HIPK1: variants seen among roughly 807,000 people sequenced by gnomAD.
The protein encoded by HIPK1 is homeodomain-interacting protein kinase 1.
HIPK1 carries 28 observed loss-of-function variants against 117.1 expected under a neutral mutation model. That is an observed-to-expected ratio of 0.24 (90% CI 0.18 to 0.33). The LOEUF (loss-of-function observed/expected upper bound fraction) is 0.33, where lower values mean the gene tolerates loss of function less well. Among genes scored for constraint, HIPK1 ranks in the 10% least tolerant of loss-of-function variants. HIPK1 has a pLI of 1.00. For synonymous variants in HIPK1, 605 were observed against 562.5 expected (o/e 1.08, Z -1.07); for missense variants, 1,122 against 1,475.1 (o/e 0.76, Z 3.92).
intron 1 of HIPK1, chr1:113,930,007 C>T: frequency 1.3e-5 from 13 of 985,004 alleles, no homozygotes; most frequent in Non-Finnish European, 1.6e-5. Context: ...TGAGGCGGGG[C>T]CGGGCCGGCC....
intron 8 of HIPK1, among the ~76,000 whole-genome samples, chr1:113,958,657 G>T (rs1318931293): frequency 6.6e-6 from 1 of 151,950 alleles, no homozygotes; most frequent in Non-Finnish European, 1.5e-5. Context: ...GCTAAATATT[G>T]GATCTTATTG....
At chr1:113,949,600 C>CTTTTTT (rs11465018) in intron 2 of HIPK1, among the ~76,000 whole-genome samples, 19 of 133,360 alleles carry the variant, frequency 1.4e-4, no homozygotes, top group South Asian at 2.4e-4. Context: ...CTTTTCTTTT[C>CTTTTTT]TTTTTTTTTT....
intron 2 of HIPK1, among the ~76,000 whole-genome samples, chr1:113,944,883 T>G (rs888319621): frequency 1.3e-5 from 2 of 152,154 alleles, no homozygotes; most frequent in Admixed American, 1.3e-4. Flanking sequence ...AGTCCCACTT[T>G]GTCACCCAGG....
chr1:113,956,650 G>A lies in HIPK1; in HGVS notation c.1431G>A (p.Glu477=). The A allele has an allele frequency of 5.0e-6, 8 of 1,613,870 alleles. No homozygotes were observed. The highest frequency in any genetic ancestry group is 6.8e-6 in the Non-Finnish European group (8 of 1,179,900). Reference sequence around the variant, plus strand: ...AGGTGAATATGTCTACAGACCTGGAGGGAACAGACATGTTGGCAGAGAAGG... The same window carrying A: ...AGGTGAATATGTCTACAGACCTGGAAGGAACAGACATGTTGGCAGAGAAGG... ...MAQVNMSTDL[E]GTDMLAEKAD... is the part of the protein sequence containing the mutation. Residue 477 remains glutamate, a synonymous_variant, in exon 6 of 16, where the codon GAG becomes GAA. Coordinates refer to ENST00000426820, the MANE Select transcript of HIPK1 (RefSeq NM_198268.3).
intron 1 of HIPK1, among the ~76,000 whole-genome samples, chr1:113,939,085 A>G (rs188452104): frequency 3.8e-4 from 58 of 152,166 alleles, no homozygotes; most frequent in African/African-American, 1.3e-3. Flanking sequence ...AAATTATTTA[A>G]TTCTCAGAAC....
rs547468476 is a variant in HIPK1, at chr1:113,952,186, G to A, written c.1077-580G>A. Among the ~76,000 whole-genome samples the A allele has an allele frequency of 6.8e-4, 104 of 151,926 alleles. 1 individual carries two copies. The highest frequency in any genetic ancestry group is 2.4e-3 in the African/African-American group (100 of 41,454). The stretch of plus-strand genomic sequence containing the variant: ...ACTTCTGACCTCAGGTGATCCACCC[G>A]CTTCGGCTTCCCAAAGTGCTGGGAT... On this transcript the variant is annotated intron_variant, in intron 2 of 15. Coordinates refer to ENST00000426820, the MANE Select transcript of HIPK1 (RefSeq NM_198268.3).
chr1:113,940,338 A>G (rs1341171927), intron 1 of HIPK1, 44 bp from the exon 2 acceptor site: 29 of 1,485,484 alleles, frequency 2.0e-5, no homozygotes, highest in East Asian at 2.3e-5. Flanking sequence ...TAAGCCTTGT[A>G]TCTTTTATCC....
chr1:113,957,076 T>C lies in HIPK1; in HGVS notation c.1593-48T>C, dbSNP rs528990111. On this transcript the variant is annotated intron_variant, in intron 6 of 15. Coordinates refer to ENST00000426820, the MANE Select transcript of HIPK1 (RefSeq NM_198268.3). ...TGTTCATCTTGAGTTATTTGCTGTC[T>C]GTTTAAATCTCAGCATTCATTTAAT... 4 of 1,447,106 alleles carry C rather than the reference T, an allele frequency of 2.8e-6. No individual in the cohort carries two copies. In the East Asian group the frequency reaches 6.8e-5, roughly 25 times the overall value. 89.6% of individuals were successfully genotyped at this position (1,447,106 alleles called of 1,614,324 possible).
chr1:113,974,657 CTT>C lies in HIPK1; in HGVS notation c.*1146_*1147del, dbSNP rs1420785575. On this transcript the variant is annotated 3_prime_UTR_variant, in exon 16 of 16. Transcript: ENST00000426820. ...CAAATTGAATGCTCTCTTATTAAGACTTATATAATAAGTGCATGTAGGAATTG... is the reference window on the plus strand; with the variant it reads ...CAAATTGAATGCTCTCTTATTAAGACATATAATAAGTGCATGTAGGAATTG... 6.6e-6 allele frequency: 1 copy of C among 152,576 alleles called. No individual in the cohort carries two copies. The highest frequency in any genetic ancestry group is 1.5e-5 in the Non-Finnish European group (1 of 68,032). 9.5% of individuals were successfully genotyped at this position (152,576 alleles called of 1,614,324 possible).
intron 4 of HIPK1, among the ~76,000 whole-genome samples, chr1:113,955,047 A>G (rs1671620945): frequency 6.6e-6 from 1 of 152,254 alleles, no homozygotes; most frequent in South Asian, 2.1e-4. Flanking sequence ...CGATAGAACT[A>G]GAGACATATA....
At position 113,929,517 on chromosome 1, in the gene HIPK1, C is replaced by G; in HGVS notation, c.-18C>G. 7.8e-7 allele frequency: 1 copy of G among 1,289,076 alleles called. No homozygotes were observed. The highest frequency in any genetic ancestry group is 2.3e-5 in the Admixed American group (1 of 43,562). 79.9% of individuals were successfully genotyped at this position (1,289,076 alleles called of 1,614,324 possible). On this transcript the variant is annotated 5_prime_UTR_variant, in exon 1 of 16. Transcript: ENST00000426820. ...CGATCGTCCTAGAGAGTCCATTCAG[C>G]TGCACTTCCGCCTCAGTAGGTGTCA...
chr1:113,933,245 G>T (rs771004045), intron 1 of HIPK1: 13 of 963,986 alleles, frequency 1.3e-5, no homozygotes, highest in Non-Finnish European at 1.6e-5. Flanking sequence ...GTAAGTAAAA[G>T]TTAGGAAAAG....
At chr1:113,934,480 A>G (rs777216783) in intron 1 of HIPK1, among the ~76,000 whole-genome samples, 3 of 152,182 alleles carry the variant, frequency 2.0e-5, no homozygotes, top group Non-Finnish European at 2.9e-5. Context: ...ATCTTTTAGC[A>G]ATAAGTACAA....
At chr1:113,953,837 A>G (rs1436786532) in intron 3 of HIPK1, 1 of 151,078 alleles carries the variant, frequency 6.6e-6, no homozygotes, top group African/African-American at 2.4e-5. Flanking sequence ...ATTTTTTAAA[A>G]ATGTTCCTGC....
chr1:113,944,159 GTTTTTT>G (rs140161727), intron 2 of HIPK1, among the ~76,000 whole-genome samples: 2 of 55,218 alleles, frequency 3.6e-5, no homozygotes, highest in African/African-American at 8.7e-5. Flanking sequence ...ATAGCCATGG[GTTTTTT>G]TTTTTTTTTT....
At chr1:113,929,904 G>C (rs1175687398) in intron 1 of HIPK1, 2 of 986,330 alleles carry the variant, frequency 2.0e-6, no homozygotes, top group East Asian at 2.3e-4. Context: ...CCTCACGGCA[G>C]CCCCAGCTCG....
At position 113,959,028 on chromosome 1, in the gene HIPK1, A is replaced by G. The variant is rs985728195; in HGVS notation, c.1981+737A>G. 4.6e-5 allele frequency among the ~76,000 whole-genome samples: 7 copies of G among 152,204 alleles called. No individual in the cohort carries two copies. The East Asian group carries it at 1.2e-3, about 25-fold the overall frequency. On this transcript the variant is annotated intron_variant, in intron 8 of 15. Transcript: ENST00000426820. ...AGTCTGTCCAGTTTCTTTTTTCTGT[A>G]TATGGGAAATGTGTGTTTAATCATT...
chr1:113,945,972 A>C (rs995302725), intron 2 of HIPK1, among the ~76,000 whole-genome samples: 1 of 152,178 alleles, frequency 6.6e-6, no homozygotes, highest in Admixed American at 6.5e-5. Flanking sequence ...GTCCATCCTT[A>C]TTTCTTTATA....
At chr1:113,963,333 C>G in intron 9 of HIPK1, 54 bp from the exon 10 acceptor site, 7 of 1,596,448 alleles carry the variant, frequency 4.4e-6, no homozygotes, top group African/African-American at 1.3e-5. Context: ...CCTTCTGAAT[C>G]CAGATATCCT....
Sources: allele counts gnomAD v4.1 joint callset (sites outside exome capture counted in the v4.1 genomes callset), GRCh38; gene constraint gnomAD v4.1.1; transcripts MANE v1.5; gene names NCBI Gene and HGNC (gene_info 2026-07-23, HGNC 2026-07-21).